CAMK4: variants seen among roughly 807,000 people sequenced by gnomAD.
CAMK4 encodes the protein calcium/calmodulin dependent protein kinase IV.
CAMK4 carries 22 observed loss-of-function variants against 44.9 expected under a neutral mutation model. The observed-to-expected ratio is 0.49, with a 90% CI of 0.35 to 0.70. The LOEUF (loss-of-function observed/expected upper bound fraction) is 0.70, where lower values mean the gene tolerates loss of function less well. CAMK4 is among the 30% of genes least tolerant of loss of function. The pLI is 0.01. For missense variants in CAMK4, 498 were observed against 586.8 expected, an observed-to-expected ratio of 0.85 and a Z score of 1.56; for synonymous variants, 218 against 215.4, an observed-to-expected ratio of 1.01 and a Z score of -0.11.
At chr5:111,342,989 A>G (rs1250681225) in intron 1 of CAMK4, among the ~76,000 whole-genome samples, 2 of 151,594 alleles carry the variant, frequency 1.3e-5, no homozygotes, top group Non-Finnish European at 3.0e-5. Context: ...TTTTTGCCTT[A>G]GTTATCTTTT....
At chr5:111,463,476 C>T (rs1754711917) in intron 7 of CAMK4, among the ~76,000 whole-genome samples, 1 of 152,240 alleles carries the variant, frequency 6.6e-6, no homozygotes, top group African/African-American at 2.4e-5. Flanking sequence ...CTGATCCTCC[C>T]TGTACTACCA....
chr5:111,471,846 T>G (rs956166263), intron 7 of CAMK4, among the ~76,000 whole-genome samples: 3 of 152,152 alleles, frequency 2.0e-5, no homozygotes, highest in African/African-American at 7.2e-5. Context: ...TCCTGTATGG[T>G]AAATCCACAG....
At chr5:111,296,052 T>C (rs1001493135) in intron 1 of CAMK4, among the ~76,000 whole-genome samples, 5 of 152,228 alleles carry the variant, frequency 3.3e-5, no homozygotes, top group Non-Finnish European at 7.3e-5. Context: ...TATGTATTCT[T>C]TCAGGAAATT....
chr5:111,471,183 G>T (rs1755052803), intron 7 of CAMK4, among the ~76,000 whole-genome samples: 1 of 152,144 alleles, frequency 6.6e-6, no homozygotes, highest in South Asian at 2.1e-4. Context: ...GCATCGATCT[G>T]GATGCAACAG....
intron 2 of CAMK4, among the ~76,000 whole-genome samples, chr5:111,346,911 G>A (rs1287481490): frequency 6.6e-6 from 1 of 151,958 alleles, no homozygotes; most frequent in East Asian, 1.9e-4. Flanking sequence ...CAAACAAGGA[G>A]AATCAGGCAA....
At chr5:111,358,703 TG>T (rs1750476500) in intron 2 of CAMK4, among the ~76,000 whole-genome samples, 1 of 152,014 alleles carries the variant, frequency 6.6e-6, no homozygotes. Context: ...TTATTTTTTC[TG>T]CTCCTCTCTC....
intron 7 of CAMK4, among the ~76,000 whole-genome samples, chr5:111,464,830 C>T (rs888597572): frequency 2.6e-5 from 4 of 152,160 alleles, no homozygotes; most frequent in African/African-American, 7.2e-5. Context: ...AATACATAGA[C>T]AGTTTTCTGG....
intron 5 of CAMK4, among the ~76,000 whole-genome samples, chr5:111,440,999 C>T (rs1369634846): frequency 1.3e-5 from 2 of 152,116 alleles, no homozygotes; most frequent in Non-Finnish European, 1.5e-5. Flanking sequence ...CTACAATCTG[C>T]AAAGTGGGCG....
At chr5:111,402,230 G>A (rs1449186738) in intron 5 of CAMK4, among the ~76,000 whole-genome samples, 2 of 152,228 alleles carry the variant, frequency 1.3e-5, no homozygotes, top group African/African-American at 2.4e-5. Context: ...AAGGAAAAAT[G>A]TGGCTTGAAA....
intron 2 of CAMK4, chr5:111,365,119 T>TGGAGCCAGG (rs1750743568): frequency 6.6e-6 from 1 of 152,286 alleles, no homozygotes; most frequent in Non-Finnish European, 1.5e-5. Context: ...CAGTGGAGAC[T>TGGAGCCAGG]ATCCTGGCTT....
intron 1 of CAMK4, among the ~76,000 whole-genome samples, chr5:111,273,766 CACAT>C (rs1750642269): frequency 6.9e-6 from 1 of 145,124 alleles, no homozygotes; most frequent in African/African-American, 2.5e-5. Flanking sequence ...CATACACACA[CACAT>C]ATATACACAC....
intron 1 of CAMK4, among the ~76,000 whole-genome samples, chr5:111,335,997 A>T (rs1481799184): frequency 6.6e-6 from 1 of 151,346 alleles, no homozygotes; most frequent in Non-Finnish European, 1.5e-5. Flanking sequence ...ACAAAACTAG[A>T]GCTCAAAAAT....
In CAMK4 at chr5:111,493,237, A is replaced by C. The variant is rs1290383538; in HGVS notation, c.*8771A>C. The C allele has an allele frequency of 6.6e-6, 1 of 152,198 alleles. No homozygotes were observed. Among genetic ancestry groups the C allele is most frequent in the African/African-American group, 2.4e-5 (1 of 41,446 alleles). 9.4% of individuals were successfully genotyped at this position (152,198 alleles called of 1,614,324 possible). ...GCTCATCTGCTGTGCTTCTAAGCCA[A>C]ATAAAAATCATCAAACACATCGAAG... On this transcript the variant is annotated 3_prime_UTR_variant, in exon 11 of 11. Coordinates refer to ENST00000282356, the MANE Select transcript of CAMK4 (RefSeq NM_001744.6). The surrounding 1 kb of genome is among the most constrained non-coding windows in gnomAD (Gnocchi z 4.1).
chr5:111,351,931 G>T (rs1273002144), intron 2 of CAMK4, among the ~76,000 whole-genome samples: 1 of 152,042 alleles, frequency 6.6e-6, no homozygotes, highest in Non-Finnish European at 1.5e-5. Context: ...TGTTTGATGA[G>T]GGCACTCTTT....
intron 5 of CAMK4, among the ~76,000 whole-genome samples, chr5:111,421,091 T>C (rs779647374): frequency 9.9e-5 from 15 of 152,156 alleles, no homozygotes; most frequent in Non-Finnish European, 1.5e-4. Flanking sequence ...CATAAGAAAT[T>C]ATAAAAGTAT....
intron 5 of CAMK4, among the ~76,000 whole-genome samples, chr5:111,398,185 G>C (rs937812687): frequency 6.6e-6 from 1 of 152,158 alleles, no homozygotes. Flanking sequence ...TCTTGCATTA[G>C]CATATTAAAG....
intron 1 of CAMK4, among the ~76,000 whole-genome samples, chr5:111,292,488 A>G (rs529693342): frequency 6.6e-6 from 1 of 152,316 alleles, no homozygotes; most frequent in East Asian, 1.9e-4. Flanking sequence ...GGACACATAC[A>G]GTAAAAGCCC....
At chr5:111,455,062 T>C (rs1754369840) in intron 7 of CAMK4, among the ~76,000 whole-genome samples, 1 of 152,242 alleles carries the variant, frequency 6.6e-6, no homozygotes, top group Non-Finnish European at 1.5e-5. Flanking sequence ...GAAGTATTAA[T>C]ACATAAAAAT....
chr5:111,311,581 G>C (rs1245895505), intron 1 of CAMK4, among the ~76,000 whole-genome samples: 1 of 152,186 alleles, frequency 6.6e-6, no homozygotes, highest in Non-Finnish European at 1.5e-5. Context: ...CATCTAGGCT[G>C]TCCAGAGCTG....
Sources: allele counts gnomAD v4.1 joint callset (sites outside exome capture counted in the v4.1 genomes callset), GRCh38; gene constraint gnomAD v4.1.1; non-coding constraint Gnocchi (gnomAD v3.1); transcripts MANE v1.5; gene names NCBI Gene and HGNC (gene_info 2026-07-23, HGNC 2026-07-21).